FAAH2: variants seen among roughly 807,000 people sequenced by gnomAD.
FAAH2 encodes the protein fatty-acid amide hydrolase 2.
Under a neutral mutation model 36.9 loss-of-function variants are expected in FAAH2, and 60 were observed. The observed-to-expected ratio is 1.63, with a 90% confidence interval of 1.32 to 2.02. The LOEUF (loss-of-function observed/expected upper bound fraction) is 2.02, where lower values mean the gene tolerates loss of function less well. Among genes scored for constraint, FAAH2 ranks in the 30% most tolerant of loss-of-function variants. FAAH2 has a pLI of 0.00. For missense variants in FAAH2, 689 were observed against 397.5 expected, an observed-to-expected ratio of 1.73 and a Z score of -6.23; for synonymous variants, 214 against 143.8, an observed-to-expected ratio of 1.49 and a Z score of -3.49.
chrX:57,385,774 G>A (rs1327047074), intron 7 of FAAH2, among the ~76,000 whole-genome samples: 1 of 110,939 alleles, frequency 9.0e-6, no homozygotes, highest in Non-Finnish European at 1.9e-5. Context: ...CGGGCGCGGT[G>A]GCGGGCGCCT....
chrX:57,469,085 G>C (rs905959268), intron 10 of FAAH2, among the ~76,000 whole-genome samples: 1 of 111,869 alleles, frequency 8.9e-6, no homozygotes, highest in South Asian at 3.7e-4. Flanking sequence ...ACCTACAAGA[G>C]CTCCTGAAGG....
chrX:57,140,874 C>T, the FAAH2 span, among the ~76,000 whole-genome samples: 1 of 111,280 alleles, frequency 9.0e-6, no homozygotes, highest in Admixed American at 9.6e-5. Flanking sequence ...CTATCGAGTA[C>T]TATGTTAGCT....
chrX:57,404,928 C>T (rs1021513248), intron 7 of FAAH2, among the ~76,000 whole-genome samples: 28 of 111,639 alleles, frequency 2.5e-4, no homozygotes, highest in African/African-American at 8.5e-4. Flanking sequence ...TGCCTCTAGT[C>T]GGCCCTCAGC....
intron 2 of FAAH2, among the ~76,000 whole-genome samples, chrX:57,304,556 G>T (rs1457164015): frequency 2.7e-5 from 3 of 111,785 alleles, no homozygotes; most frequent in African/African-American, 9.7e-5. Flanking sequence ...ACCAATTTTT[G>T]GCAAGGTGAA....
At chrX:57,443,977 T>G (rs1433267316) in intron 8 of FAAH2, among the ~76,000 whole-genome samples, 1 of 111,722 alleles carries the variant, frequency 9.0e-6, no homozygotes, top group Non-Finnish European at 1.9e-5. Flanking sequence ...TCTGGAAGCT[T>G]CATCTCAGGG....
chrX:57,421,591 T>G (rs1251852122), intron 7 of FAAH2, among the ~76,000 whole-genome samples: 1 of 111,607 alleles, frequency 9.0e-6, no homozygotes. Flanking sequence ...CTTCTTCTTA[T>G]AAGGCCACAG....
intron 4 of FAAH2, among the ~76,000 whole-genome samples, chrX:57,333,128 C>T (rs2053452000): frequency 9.0e-6 from 1 of 111,247 alleles, no homozygotes; most frequent in Middle Eastern, 4.6e-3. Flanking sequence ...AATGGGAGTT[C>T]TATATAAACC....
chrX:57,196,270 C>A, the FAAH2 span, among the ~76,000 whole-genome samples: 3 of 111,647 alleles, frequency 2.7e-5, no homozygotes, highest in Non-Finnish European at 5.7e-5. Context: ...TTGTAGAGGT[C>A]TTTTACCTCC....
chrX:57,258,880 G>GTT, the FAAH2 span, among the ~76,000 whole-genome samples: 539 of 93,883 alleles, frequency 5.7e-3, 5 homozygotes, highest in African/African-American at 0.02. Context: ...GGCTAATTTT[G>GTT]TTTTTTTTTT....
intron 7 of FAAH2, among the ~76,000 whole-genome samples, chrX:57,425,529 CTT>C (rs1012330579): frequency 4.4e-4 from 49 of 111,736 alleles, no homozygotes; most frequent in African/African-American, 1.6e-3. Flanking sequence ...TCAACAGAAA[CTT>C]TATAAGCCTG....
intron 7 of FAAH2, among the ~76,000 whole-genome samples, chrX:57,401,341 G>C (rs1385917337): frequency 9.0e-6 from 1 of 111,090 alleles, no homozygotes; most frequent in African/African-American, 3.3e-5. Context: ...TGAGACATTG[G>C]GTTTGAAGGA....
intron 7 of FAAH2, among the ~76,000 whole-genome samples, chrX:57,390,870 A>G (rs2055150278): frequency 9.0e-6 from 1 of 111,415 alleles, no homozygotes; most frequent in Non-Finnish European, 1.9e-5. Flanking sequence ...GCTGAATGGT[A>G]GCTTTATTTT....
the FAAH2 span, among the ~76,000 whole-genome samples, chrX:57,132,022 C>T: frequency 1.8e-5 from 2 of 111,806 alleles, no homozygotes; most frequent in East Asian, 5.6e-4. Flanking sequence ...CTCATGTATC[C>T]TCAGGACCAA....
the FAAH2 span, among the ~76,000 whole-genome samples, chrX:57,260,926 A>C: frequency 8.9e-6 from 1 of 111,974 alleles, no homozygotes; most frequent in Admixed American, 9.5e-5. Context: ...TGCAACTAGA[A>C]ATTTCATACA....
intron 5 of FAAH2, among the ~76,000 whole-genome samples, chrX:57,361,351 C>T (rs187859783): frequency 6.1e-4 from 67 of 110,429 alleles, no homozygotes; most frequent in African/African-American, 1.6e-3. Flanking sequence ...TGTTGTTGCT[C>T]TTCTAGTTCT....
chrX:57,280,411 G>T, the FAAH2 span, among the ~76,000 whole-genome samples: 1 of 110,917 alleles, frequency 9.0e-6, no homozygotes, highest in Admixed American at 9.6e-5. Context: ...GACATGAAAA[G>T]ATTTTTCACC....
chrX:57,228,350 G>C, the FAAH2 span, among the ~76,000 whole-genome samples: 1 of 111,152 alleles, frequency 9.0e-6, no homozygotes, highest in African/African-American at 3.3e-5. Context: ...GTTTCGCTGG[G>C]TTTGGCTCTC....
At position 57,405,000 on chromosome X, in the gene FAAH2, G is replaced by T. The variant is rs775658291; in HGVS notation, c.996+23971G>T. 1.1e-4 allele frequency among the ~76,000 whole-genome samples: 12 copies of T among 111,914 alleles called. No individual in the cohort carries two copies. The South Asian group carries it at 1.9e-3, about 18-fold the overall frequency. On this transcript the variant is annotated intron_variant, in intron 7 of 10. Transcript: ENST00000374900. ...GCAGACCAACACTCCCAACACAGAA[G>T]GGTTGGGGGTTGTTAGAAAGCCCTT...
downstream of FAAH2, chrX:57,489,194 G>A (rs2057528681): frequency 3.5e-6 from 1 of 288,307 alleles, no homozygotes; most frequent in Non-Finnish European, 6.0e-6. Flanking sequence ...CTAAATGCTG[G>A]AATCGTGTCT....
Sources: gnomAD v4.1 joint callset for allele counts (sites outside exome capture counted in the v4.1 genomes callset) on GRCh38, gnomAD v4.1.1 for gene constraint, MANE v1.5 for transcripts, NCBI Gene and HGNC (gene_info 2026-07-23, HGNC 2026-07-21) for gene names.